IQSEC3: variants seen among roughly 807,000 people sequenced by gnomAD.
IQSEC3 encodes the protein IQ motif and Sec7 domain ArfGEF 3, also known as IQ motif and SEC7 domain-containing protein 3.
In IQSEC3, 50 loss-of-function variants were observed where a neutral mutation model predicts 105.4. The observed-to-expected ratio is 0.47, with a 90% CI of 0.38 to 0.60. The LOEUF (loss-of-function observed/expected upper bound fraction) is 0.60. IQSEC3 is among the 20% of genes least tolerant of loss of function. The pLI is 0.00. For synonymous variants in IQSEC3, 708 were observed against 746.0 expected (o/e 0.95, Z 0.83); for missense variants, 1,415 against 1,630.0 (o/e 0.87, Z 2.27).
intron 1 of IQSEC3, among the ~76,000 whole-genome samples, chr12:73,580 G>C (rs1374708279): frequency 1.3e-5 from 2 of 152,170 alleles, no homozygotes; most frequent in Admixed American, 6.5e-5. Flanking sequence ...TGAGGCAGGA[G>C]AATCACTTGA....
In IQSEC3 at chr12:100,660, C is replaced by T. The variant is rs116392582; in HGVS notation, c.623+1446C>T. Among the ~76,000 whole-genome samples, 720 of 152,244 alleles carry T rather than the reference C, an allele frequency of 4.7e-3. 7 individuals are homozygous for T. Among genetic ancestry groups the T allele is most frequent in the African/African-American group, 0.017 (687 of 41,544 alleles). ...GTTGGAGATGGGAGGCTGATGTTTTCGGTGTCCTCTGTGACAAGTTTTGGG... is the reference window on the plus strand; with the variant it reads ...GTTGGAGATGGGAGGCTGATGTTTTTGGTGTCCTCTGTGACAAGTTTTGGG... On this transcript the variant is annotated intron_variant, in intron 2 of 13. Coordinates refer to ENST00000538872, the MANE Select transcript of IQSEC3 (RefSeq NM_001170738.2).
At chr12:98,445 T>C (rs76166056) in intron 1 of IQSEC3, among the ~76,000 whole-genome samples, 2,630 of 152,308 alleles carry the variant, frequency 0.017, 36 homozygotes, top group Middle Eastern at 0.058. Context: ...ATGATTCTAA[T>C]ATGCAGCTAG....
chr12:155,041 G>C (rs1866640374), intron 5 of IQSEC3, among the ~76,000 whole-genome samples: 1 of 152,234 alleles, frequency 6.6e-6, no homozygotes, highest in Admixed American at 6.5e-5. Context: ...GCCCTGGACA[G>C]TGTCACTGTG....
intron 1 of IQSEC3, among the ~76,000 whole-genome samples, chr12:98,745 T>C (rs1555075305): frequency 4.6e-5 from 7 of 152,336 alleles, no homozygotes; most frequent in Admixed American, 2.6e-4. Context: ...CCTAGACAAA[T>C]AGACTTAGTT....
chr12:92,341 C>T (rs114130698), intron 1 of IQSEC3, among the ~76,000 whole-genome samples: 408 of 152,304 alleles, frequency 2.7e-3, no homozygotes, highest in African/African-American at 9.0e-3. Flanking sequence ...CAGTTTCCTT[C>T]GGCCCCTCCA....
At chr12:170,060 C>T (rs1938892695) in intron 12 of IQSEC3, among the ~76,000 whole-genome samples, 1 of 152,172 alleles carries the variant, frequency 6.6e-6, no homozygotes, top group Admixed American at 6.5e-5. Flanking sequence ...GGACTAGTTA[C>T]GGCAGCGAGG....
chr12:137,186 G>A (rs184554681), intron 3 of IQSEC3, among the ~76,000 whole-genome samples: 3 of 152,290 alleles, frequency 2.0e-5, no homozygotes, highest in African/African-American at 7.2e-5. Flanking sequence ...CACGTTTACT[G>A]AGCAGCTAAC....
rs1591768706 is a variant in IQSEC3 at position 178,351 on chromosome 12, A to G, written c.*3318A>G. 1 of 152,268 alleles carries G rather than the reference A, an allele frequency of 6.6e-6. No homozygotes were observed. Among genetic ancestry groups the G allele is most frequent in the Non-Finnish European group, 1.5e-5 (1 of 68,060 alleles). The allele number at this position is 152,268 out of a possible 1,614,324, so 9.4% of individuals were successfully genotyped here. A position where few individuals can be genotyped will look rare whatever the true frequency, so the allele number is the denominator to read the frequency against. ...AGGGAAAGGCAGGGTGGCTGCACCCAGCAACTAATCCAAATGGCAAATATT... is the reference window on the plus strand; with the variant it reads ...AGGGAAAGGCAGGGTGGCTGCACCCGGCAACTAATCCAAATGGCAAATATT... On this transcript the variant is annotated 3_prime_UTR_variant, in exon 14 of 14. Coordinates refer to ENST00000538872, the MANE Select transcript of IQSEC3 (RefSeq NM_001170738.2).
chr12:113,795 G>C (rs1425219729), intron 2 of IQSEC3, among the ~76,000 whole-genome samples: 4 of 152,238 alleles, frequency 2.6e-5, no homozygotes, highest in African/African-American at 9.6e-5. Flanking sequence ...CCCTCCCCAG[G>C]TGCAGAGGAA....
chr12:95,525 G>T (rs961145506), intron 1 of IQSEC3, among the ~76,000 whole-genome samples: 1 of 152,126 alleles, frequency 6.6e-6, no homozygotes, highest in East Asian at 1.9e-4. Context: ...ATTTAACATT[G>T]TCAGTCAACA....
At chr12:120,375 A>G (rs59530692) in intron 2 of IQSEC3, among the ~76,000 whole-genome samples, 11,710 of 152,210 alleles carry the variant, frequency 0.077, 681 homozygotes, top group South Asian at 0.22. Flanking sequence ...CGGAGTGGAC[A>G]GGTCACTCGG....
At chr12:132,497 C>T (rs1225083253) in intron 3 of IQSEC3, among the ~76,000 whole-genome samples, 4 of 152,060 alleles carry the variant, frequency 2.6e-5, no homozygotes, top group Admixed American at 2.0e-4. Flanking sequence ...AAGAAGGACA[C>T]AGAGATAGTA....
At chr12:174,023 C>G (rs1224999497) in intron 13 of IQSEC3, among the ~76,000 whole-genome samples, 1 of 152,184 alleles carries the variant, frequency 6.6e-6, no homozygotes, top group African/African-American at 2.4e-5. Context: ...GGGCTGTTCT[C>G]GAACGCAGGG....
intron 2 of IQSEC3, 46 bp from the exon 3 acceptor site, chr12:125,587 C>G (rs781992009): frequency 1.4e-6 from 2 of 1,457,252 alleles, no homozygotes; most frequent in Non-Finnish European, 1.8e-6. Context: ...CACACGCACC[C>G]TGTCGCCCTC....
rs1555065602 is a variant in IQSEC3, at chr12:67,058, T to G, written c.176T>G (p.Leu59Arg). 4.6e-6 allele frequency: 7 copies of G among 1,531,378 alleles called. No homozygotes were observed. Among genetic ancestry groups the G allele is most frequent in the Non-Finnish European group, 5.2e-6 (6 of 1,145,320 alleles). 94.9% of individuals were successfully genotyped at this position (1,531,378 alleles called of 1,614,324 possible). A position where few individuals can be genotyped will look rare whatever the true frequency, so the allele number is the denominator to read the frequency against. Residue 59 changes from leucine to arginine, a missense_variant, in exon 1 of 14, where the codon CTG becomes CGG. Physicochemically the swap from Leu to Arg is moderately radical, Grantham distance 102 (BLOSUM62 -2). This residue lies in a region of IQSEC3 where 34 missense variants were observed against 80.3 expected (regional missense o/e 0.42). Coordinates refer to ENST00000538872, the MANE Select transcript of IQSEC3 (RefSeq NM_001170738.2). ...CGCAGCCTGTGGGAGCACCAGCAGC[T>G]GCTGCAAGCCCAGCCTCCGCCCGGG... is the stretch of plus-strand genomic sequence containing the variant. ...ENRSLWEHQQ[L>R]LQAQPPPGLV...
At chr12:151,205 A>G (rs4980851) in intron 5 of IQSEC3, among the ~76,000 whole-genome samples, 707 of 47,118 alleles carry the variant, frequency 0.015, 9 homozygotes, top group Non-Finnish European at 0.028. Flanking sequence ...GAGGGGAGGC[A>G]CGGTAGCTAT....
chr12:83,259 G>A (rs1279079545), intron 1 of IQSEC3, among the ~76,000 whole-genome samples: 1 of 152,184 alleles, frequency 6.6e-6, no homozygotes, highest in Non-Finnish European at 1.5e-5. Flanking sequence ...ACAAGTATTT[G>A]TTGAGCACCT....
intron 2 of IQSEC3, among the ~76,000 whole-genome samples, chr12:118,899 G>A (rs910933349): frequency 2.6e-5 from 4 of 152,216 alleles, no homozygotes; most frequent in Non-Finnish European, 5.9e-5. Context: ...TCACTACCCC[G>A]AGTCAGCTCC....
chr12:169,965 G>A (rs1355717498), intron 12 of IQSEC3, among the ~76,000 whole-genome samples: 1 of 152,246 alleles, frequency 6.6e-6, no homozygotes, highest in Non-Finnish European at 1.5e-5. Context: ...GCCAGCTTGA[G>A]CTGAGAAGCT....
Sources: gnomAD v4.1 joint callset for allele counts (sites outside exome capture counted in the v4.1 genomes callset) on GRCh38, gnomAD v4.1.1 for gene constraint, gnomAD v4.1.1 regional missense constraint, MANE v1.5 for transcripts, NCBI Gene and HGNC (gene_info 2026-07-23, HGNC 2026-07-21) for gene names.